Variants in CDH12 observed in about 807,000 individuals in gnomAD.
CDH12 encodes the protein cadherin-12.
A neutral mutation model predicts 74.1 loss-of-function variants in CDH12; 41 were observed. That is an observed-to-expected ratio of 0.55 (90% confidence interval 0.43 to 0.72). The LOEUF (loss-of-function observed/expected upper bound fraction) is 0.72. Ranked by LOEUF, CDH12 falls within the 30% of genes least tolerant of loss-of-function variation. The probability of loss-of-function intolerance (pLI) is 0.00; values close to 1 mark genes in which losing one functional copy is unlikely to be tolerated. For missense variants in CDH12, 945 were observed against 977.2 expected (o/e 0.97, Z 0.44); for synonymous variants, 399 against 355.0 (o/e 1.12, Z -1.39).
chr5:21,879,073 AC>A (rs1483407136), intron 6 of CDH12, among the ~76,000 whole-genome samples: 1 of 152,164 alleles, frequency 6.6e-6, no homozygotes, highest in Middle Eastern at 3.2e-3. Context: ...TTTTCCGTTC[AC>A]ATGCTATCAA....
At chr5:22,283,407 T>C (rs6452076) in intron 3 of CDH12, among the ~76,000 whole-genome samples, 150,168 of 151,080 alleles carry the variant, frequency 0.99, 74,643 homozygotes, top group Middle Eastern at 1. Flanking sequence ...GATATATACA[T>C]ATGTGCCACA....
chr5:22,334,655 T>C (rs889579528), intron 3 of CDH12, among the ~76,000 whole-genome samples: 1 of 152,044 alleles, frequency 6.6e-6, no homozygotes, highest in African/African-American at 2.4e-5. Context: ...ACCAGACACA[T>C]AGACTAGAGA....
chr5:22,381,450 T>C (rs1445121112), intron 3 of CDH12, among the ~76,000 whole-genome samples: 2 of 152,232 alleles, frequency 1.3e-5, no homozygotes, highest in Middle Eastern at 3.4e-3. Context: ...GGTTGGTCAT[T>C]TAATGGCCTT....
chr5:22,266,694 T>C (rs1230820806), intron 3 of CDH12, among the ~76,000 whole-genome samples: 2 of 152,110 alleles, frequency 1.3e-5, no homozygotes, highest in African/African-American at 2.4e-5. Flanking sequence ...GATTAATCAG[T>C]ACATAAGGAG....
intron 1 of CDH12, among the ~76,000 whole-genome samples, chr5:22,814,885 A>G (rs1749313426): frequency 6.6e-6 from 1 of 152,240 alleles, no homozygotes; most frequent in South Asian, 2.1e-4. Flanking sequence ...TTTGTTAAAA[A>G]GGAGTTTTTT....
At position 22,621,857 on chromosome 5, in the gene CDH12, C is replaced by T. The variant is rs969961656; in HGVS notation, c.-522-116493G>A. Among the ~76,000 whole-genome samples the T allele has an allele frequency of 2.6e-5, 4 of 151,770 alleles. No homozygotes were observed. The South Asian group carries it at 8.3e-4, about 31-fold the overall frequency. On this transcript the variant is annotated intron_variant, in intron 1 of 14. Coordinates refer to ENST00000382254, the MANE Select transcript of CDH12 (RefSeq NM_004061.5). ...AAAAAAATCGATAATTCAGTGCCAC[C>T]CCCACTGTAAAAACACAAAAAACTA...
intron 6 of CDH12, among the ~76,000 whole-genome samples, chr5:21,872,667 T>C (rs1243000448): frequency 6.6e-6 from 1 of 152,160 alleles, no homozygotes; most frequent in Non-Finnish European, 1.5e-5. Context: ...TGCAAATGTA[T>C]TTGGCCAAGG....
At chr5:21,944,854 A>G (rs1426538383) in intron 6 of CDH12, among the ~76,000 whole-genome samples, 1 of 152,036 alleles carries the variant, frequency 6.6e-6, no homozygotes, top group Non-Finnish European at 1.5e-5. Context: ...GAGAAGACAA[A>G]CTTCCACCTA....
Position 22,355,514 on chromosome 5 carries a change from T to TA in CDH12, c.-333+49742dup, listed in dbSNP as rs34776687. On this transcript the variant is annotated intron_variant, in intron 3 of 14. Transcript: ENST00000382254. ...AAGGAGAGAGATATATATATTTCCTTAAAAAAAAAATATATATATATATAT... is the reference window on the plus strand; with the variant it reads ...AAGGAGAGAGATATATATATTTCCTTAAAAAAAAAAATATATATATATATAT... Among the ~76,000 whole-genome samples the TA allele has an allele frequency of 7.1e-3, 986 of 139,062 alleles. 8 individuals carry two copies. The highest frequency in any genetic ancestry group is 0.022 in the African/African-American group (807 of 36,416). 91.2% of individuals were successfully genotyped at this position (139,062 alleles called of 152,430 possible). A position where few individuals can be genotyped will look rare whatever the true frequency, so the allele number is the denominator to read the frequency against.
At chr5:21,956,575 G>A (rs1477171859) in intron 6 of CDH12, among the ~76,000 whole-genome samples, 2 of 151,842 alleles carry the variant, frequency 1.3e-5, no homozygotes, top group African/African-American at 4.8e-5. Context: ...CTTGTAAAAG[G>A]TATTTTTAAA....
At chr5:22,705,499 G>GCACA (rs5866587) in intron 1 of CDH12, among the ~76,000 whole-genome samples, 12,628 of 143,498 alleles carry the variant, frequency 0.088, 770 homozygotes, top group Admixed American at 0.16. Flanking sequence ...CAACACACAT[G>GCACA]CACACACACA....
chr5:22,124,738 C>T (rs1320477020), intron 4 of CDH12, among the ~76,000 whole-genome samples: 1 of 152,192 alleles, frequency 6.6e-6, no homozygotes, highest in Non-Finnish European at 1.5e-5. Flanking sequence ...CTGATCTTCA[C>T]ATGGGTGAGG....
chr5:22,603,654 C>G (rs1314543579), intron 1 of CDH12, among the ~76,000 whole-genome samples: 1 of 152,126 alleles, frequency 6.6e-6, no homozygotes, highest in Non-Finnish European at 1.5e-5. Context: ...AGGGAGAAAT[C>G]TACTCTTTAA....
chr5:22,676,451 A>G (rs1474293736), intron 1 of CDH12, among the ~76,000 whole-genome samples: 1 of 152,170 alleles, frequency 6.6e-6, no homozygotes. Context: ...GGGCCATATC[A>G]GTTTGCTTAA....
At chr5:22,097,865 G>C (rs1299023203) in intron 4 of CDH12, among the ~76,000 whole-genome samples, 1 of 152,046 alleles carries the variant, frequency 6.6e-6, no homozygotes, top group Non-Finnish European at 1.5e-5. Flanking sequence ...ATTAAAGCCT[G>C]TTATCTCTCA....
Position 22,654,173 on chromosome 5 carries a change from CCTTT to C in CDH12, c.-522-148813_-522-148810del, listed in dbSNP as rs970730924. On this transcript the variant is annotated intron_variant, in intron 1 of 14. Coordinates refer to ENST00000382254, the MANE Select transcript of CDH12 (RefSeq NM_004061.5). The stretch of plus-strand genomic sequence containing the variant: ...TCTTCCTTCCTTCCCTCCCTTCCTT[CCTTT>C]CTTCTTTCTTTCTTTCTTTCTTTTC... Among the ~76,000 whole-genome samples the C allele has an allele frequency of 3.3e-5, 5 of 149,288 alleles. No homozygotes were observed. The South Asian group carries it at 8.5e-4, about 25-fold the overall frequency.
chr5:21,845,475 C>T (rs1750113812), intron 7 of CDH12, among the ~76,000 whole-genome samples: 1 of 151,878 alleles, frequency 6.6e-6, no homozygotes, highest in African/African-American at 2.4e-5. Flanking sequence ...CTTCTCCAAA[C>T]TTCTTGTCCT....
At chr5:22,012,651 T>G (rs1737369631) in intron 5 of CDH12, among the ~76,000 whole-genome samples, 1 of 151,740 alleles carries the variant, frequency 6.6e-6, no homozygotes, top group African/African-American at 2.4e-5. Flanking sequence ...TATATGATAT[T>G]TACTTGGTTG....
chr5:21,874,857 T>C (rs1346523404), intron 6 of CDH12, among the ~76,000 whole-genome samples: 3 of 152,150 alleles, frequency 2.0e-5, no homozygotes, highest in Non-Finnish European at 2.9e-5. Flanking sequence ...CTGGGGTTCC[T>C]CCTAATAGAG....
Sources: allele counts gnomAD v4.1 joint callset (sites outside exome capture counted in the v4.1 genomes callset), GRCh38; gene constraint gnomAD v4.1.1; transcripts MANE v1.5; gene names NCBI Gene and HGNC (gene_info 2026-07-23, HGNC 2026-07-21).